The following ADAMTS3 variants were observed in gnomAD, a reference collection of about 807,000 sequenced individuals.
ADAMTS3 encodes the protein A disintegrin and metalloproteinase with thrombospondin motifs 3.
Under a neutral mutation model 129.0 loss-of-function variants are expected in ADAMTS3, and 73 were observed. The ratio of observed to expected loss-of-function variants is 0.57; its 90% confidence interval spans 0.47 to 0.69. The LOEUF is 0.69. Among genes scored for constraint, ADAMTS3 ranks in the 30% least tolerant of loss-of-function variants. The pLI is 0.00. For synonymous variants in ADAMTS3, 477 were observed against 510.8 expected, an observed-to-expected ratio of 0.93 and a Z score of 0.89; for missense variants, 1,457 against 1,514.5, an observed-to-expected ratio of 0.96 and a Z score of 0.63.
chr4:72,474,490 T>C (rs980584248), intron 3 of ADAMTS3, among the ~76,000 whole-genome samples: 1 of 152,064 alleles, frequency 6.6e-6, no homozygotes, highest in African/African-American at 2.4e-5. Flanking sequence ...GAAAGCAGAA[T>C]AGATGTTATC....
chr4:72,528,539 A>AG (rs1720875012), intron 3 of ADAMTS3, among the ~76,000 whole-genome samples: 1 of 148,360 alleles, frequency 6.7e-6, no homozygotes, highest in Non-Finnish European at 1.5e-5. Context: ...AAAAAAAAAA[A>AG]CAGATGCTGC....
chr4:72,422,655 CAGAT>C (rs2109935468), intron 3 of ADAMTS3, among the ~76,000 whole-genome samples: 1 of 152,154 alleles, frequency 6.6e-6, no homozygotes, highest in East Asian at 1.9e-4. Context: ...AGAATTAAGT[CAGAT>C]AGCCTCAGAT....
intron 16 of ADAMTS3, among the ~76,000 whole-genome samples, chr4:72,305,783 A>G (rs905061387): frequency 1.3e-5 from 2 of 151,682 alleles, no homozygotes; most frequent in Non-Finnish European, 2.9e-5. Flanking sequence ...ACACATGCAC[A>G]TGTACGCACA....
chr4:72,467,387 T>C (rs998259698), intron 3 of ADAMTS3, among the ~76,000 whole-genome samples: 1 of 152,052 alleles, frequency 6.6e-6, no homozygotes, highest in Non-Finnish European at 1.5e-5. Flanking sequence ...CTTATTTCAG[T>C]GATCCTCCTA....
At chr4:72,409,016 G>GT in intron 4 of ADAMTS3, among the ~76,000 whole-genome samples, 1 of 152,036 alleles carries the variant, frequency 6.6e-6, no homozygotes, top group African/African-American at 2.4e-5. Flanking sequence ...GTATACCTAT[G>GT]TAACAAAACT....
intron 3 of ADAMTS3, among the ~76,000 whole-genome samples, chr4:72,438,806 C>A (rs889330307): frequency 1.3e-5 from 2 of 151,730 alleles, no homozygotes; most frequent in African/African-American, 4.8e-5. Flanking sequence ...AGTTTCAGGG[C>A]AAACCAGGAC....
intron 3 of ADAMTS3, among the ~76,000 whole-genome samples, chr4:72,545,318 G>C (rs1409892899): frequency 6.6e-6 from 1 of 152,094 alleles, no homozygotes; most frequent in Non-Finnish European, 1.5e-5. Flanking sequence ...CCTATTTGAA[G>C]AAGGAGGAAA....
At chr4:72,354,824 A>G (rs573731278) in intron 4 of ADAMTS3, among the ~76,000 whole-genome samples, 1 of 152,080 alleles carries the variant, frequency 6.6e-6, no homozygotes, top group South Asian at 2.1e-4. Context: ...CTTGATACAC[A>G]ACAATCTTAT....
chr4:72,389,080 A>G (rs1326570186), intron 4 of ADAMTS3, among the ~76,000 whole-genome samples: 1 of 152,200 alleles, frequency 6.6e-6, no homozygotes. Context: ...AGTATCACCC[A>G]CACTGTTTGT....
Position 72,361,570 on chromosome 4 carries a change from C to T in ADAMTS3, c.662-21877G>A, listed in dbSNP as rs148977300. Among the ~76,000 whole-genome samples the T allele has an allele frequency of 2.8e-4, 43 of 152,160 alleles. No individual in the cohort carries two copies. The East Asian group carries it at 7.3e-3, about 26-fold the overall frequency. Reference sequence around the variant, plus strand: ...GTAATTATGGAGATTTGTAAAGTGGCATTATCACACTAAAAATCCAACGAA... The same window carrying T: ...GTAATTATGGAGATTTGTAAAGTGGTATTATCACACTAAAAATCCAACGAA... On this transcript the variant is annotated intron_variant, in intron 4 of 21. Transcript: ENST00000286657.
intron 4 of ADAMTS3, among the ~76,000 whole-genome samples, chr4:72,413,784 C>T (rs1409905266): frequency 2.0e-5 from 3 of 151,860 alleles, no homozygotes; most frequent in African/African-American, 7.2e-5. Context: ...AACTGCAAAG[C>T]CTCTACAGTG....
At chr4:72,482,369 A>C (rs962127773) in intron 3 of ADAMTS3, among the ~76,000 whole-genome samples, 2 of 152,110 alleles carry the variant, frequency 1.3e-5, no homozygotes, top group Non-Finnish European at 2.9e-5. Flanking sequence ...AACCTGAGTG[A>C]ATCTCCAGAA....
intron 4 of ADAMTS3, among the ~76,000 whole-genome samples, chr4:72,399,855 T>TACAC (rs1363404631): frequency 9.0e-6 from 1 of 111,582 alleles, no homozygotes; most frequent in Admixed American, 8.4e-5. Context: ...ACACGGTGTG[T>TACAC]ATATACGTGT....
chr4:72,349,423 T>C (rs1010164138), intron 4 of ADAMTS3, among the ~76,000 whole-genome samples: 1 of 152,046 alleles, frequency 6.6e-6, no homozygotes, highest in African/African-American at 2.4e-5. Flanking sequence ...GAATCTATAT[T>C]ATGATATAAA....
At chr4:72,399,874 ACACACACGGTGTG>A (rs1560501411) in intron 4 of ADAMTS3, among the ~76,000 whole-genome samples, 157 of 4,234 alleles carry the variant, frequency 0.037, no homozygotes, top group East Asian at 0.1. Flanking sequence ...GTGTATATAT[ACACACACGGTGTG>A]TATATACGTG....
intron 3 of ADAMTS3, among the ~76,000 whole-genome samples, chr4:72,513,414 T>C (rs1406324466): frequency 6.6e-6 from 1 of 152,194 alleles, no homozygotes; most frequent in Non-Finnish European, 1.5e-5. Context: ...TTATACTGTC[T>C]ATTATCTAGC....
chr4:72,383,623 C>T (rs1171020521), intron 4 of ADAMTS3, among the ~76,000 whole-genome samples: 3 of 152,134 alleles, frequency 2.0e-5, no homozygotes, highest in African/African-American at 7.2e-5. Context: ...CCAGCTAAGG[C>T]TAAAAGGAAT....
intron 3 of ADAMTS3, among the ~76,000 whole-genome samples, chr4:72,525,095 G>A (rs1025474962): frequency 6.6e-6 from 1 of 152,184 alleles, no homozygotes; most frequent in African/African-American, 2.4e-5. Flanking sequence ...CAAGGATGCT[G>A]TAGTTCTGCA....
chr4:72,419,512 A>T (rs1722390936), intron 3 of ADAMTS3, among the ~76,000 whole-genome samples: 1 of 152,198 alleles, frequency 6.6e-6, no homozygotes, highest in South Asian at 2.1e-4. Context: ...TTCTAAAGCA[A>T]GCTTGTCCAA....
Sources: allele counts gnomAD v4.1 joint callset (sites outside exome capture counted in the v4.1 genomes callset), GRCh38; gene constraint gnomAD v4.1.1; transcripts MANE v1.5; gene names NCBI Gene and HGNC (gene_info 2026-07-23, HGNC 2026-07-21).